The following ZNF804B variants were observed in gnomAD, a reference collection of about 807,000 sequenced individuals.
ZNF804B encodes the protein zinc finger 804B.
A neutral mutation model predicts 101.4 loss-of-function variants in ZNF804B; 80 were observed. That is an observed-to-expected ratio of 0.79 (90% CI 0.66 to 0.95). The LOEUF (loss-of-function observed/expected upper bound fraction) is 0.95, where lower values mean the gene tolerates loss of function less well. ZNF804B is among the 40% of genes least tolerant of loss of function. The pLI, the probability that ZNF804B is intolerant of heterozygous loss-of-function variation, is 0.00. For missense variants in ZNF804B, 1,673 were observed against 1,561.9 expected (o/e 1.07, Z -1.20); for synonymous variants, 622 against 558.8 (o/e 1.11, Z -1.59).
At chr7:89,066,705 C>A (rs888789398) in intron 1 of ZNF804B, among the ~76,000 whole-genome samples, 2 of 151,960 alleles carry the variant, frequency 1.3e-5, no homozygotes, top group Non-Finnish European at 2.9e-5. Context: ...TATTTTTAAG[C>A]TATGCCAGGC....
rs139683390 is a variant in ZNF804B, at chr7:89,060,038, C to T, written c.109-158117C>T. ...GACTTACACCAGTGGTAACCTGGGTCCTCAGGCTTTCAGAGCCCTCTGACT... is the reference window on the plus strand; with the variant it reads ...GACTTACACCAGTGGTAACCTGGGTTCTCAGGCTTTCAGAGCCCTCTGACT... On this transcript the variant is annotated intron_variant, in intron 1 of 3. Transcript: ENST00000333190. Among the ~76,000 whole-genome samples the T allele has an allele frequency of 2.6e-5, 4 of 152,214 alleles. No individual in the cohort carries two copies. The East Asian group carries it at 7.8e-4, about 30-fold the overall frequency.
intron 1 of ZNF804B, among the ~76,000 whole-genome samples, chr7:88,798,452 A>C (rs1238084991): frequency 6.6e-6 from 1 of 152,154 alleles, no homozygotes; most frequent in Non-Finnish European, 1.5e-5. Flanking sequence ...AAAAAAGGCA[A>C]GTAGAGACAA....
intron 1 of ZNF804B, among the ~76,000 whole-genome samples, chr7:89,106,134 T>C (rs1790132973): frequency 1.3e-5 from 2 of 152,202 alleles, no homozygotes; most frequent in Admixed American, 6.6e-5. Flanking sequence ...GTCAGTACTA[T>C]TCCCTGTTTT....
chr7:88,905,420 C>T (rs953792559), intron 1 of ZNF804B, among the ~76,000 whole-genome samples: 18 of 152,040 alleles, frequency 1.2e-4, no homozygotes, highest in East Asian at 3.9e-4. Flanking sequence ...TGCAGTAACA[C>T]GATCTCAGCT....
intron 2 of ZNF804B, among the ~76,000 whole-genome samples, chr7:89,312,787 C>G (rs897368355): frequency 7.3e-5 from 11 of 150,590 alleles, no homozygotes; most frequent in African/African-American, 2.7e-4. Flanking sequence ...TGAGGCCAGC[C>G]TGGGTAACAT....
At chr7:88,778,202 A>G (rs1312194271) in intron 1 of ZNF804B, among the ~76,000 whole-genome samples, 1 of 152,094 alleles carries the variant, frequency 6.6e-6, no homozygotes, top group Non-Finnish European at 1.5e-5. Context: ...AGTTCCCTAC[A>G]TTCTTAGGCT....
At chr7:89,169,393 A>G (rs905958249) in intron 1 of ZNF804B, among the ~76,000 whole-genome samples, 1 of 152,072 alleles carries the variant, frequency 6.6e-6, no homozygotes, top group Non-Finnish European at 1.5e-5. Context: ...TGATTTGACT[A>G]TTTCTTTACC....
intron 1 of ZNF804B, among the ~76,000 whole-genome samples, chr7:89,131,956 T>C (rs1790554571): frequency 6.6e-6 from 1 of 151,966 alleles, no homozygotes; most frequent in African/African-American, 2.4e-5. Context: ...CAAATTCAAA[T>C]GCAGATAGCA....
At chr7:88,766,678 T>C (rs1789988426) in intron 1 of ZNF804B, among the ~76,000 whole-genome samples, 2 of 152,210 alleles carry the variant, frequency 1.3e-5, no homozygotes, top group African/African-American at 2.4e-5. Flanking sequence ...CCAATGACTC[T>C]CGTTATTTTT....
At chr7:89,215,883 CTAAATAAATAAA>C (rs71102024) in intron 1 of ZNF804B, among the ~76,000 whole-genome samples, 70 of 143,160 alleles carry the variant, frequency 4.9e-4, no homozygotes, top group East Asian at 2.3e-3. Flanking sequence ...GACTCCGTCT[CTAAATAAATAAA>C]TAAATAAATA....
intron 1 of ZNF804B, among the ~76,000 whole-genome samples, chr7:89,079,025 ACT>A (rs371318886): frequency 3.9e-4 from 59 of 151,932 alleles, no homozygotes; most frequent in African/African-American, 1.4e-3. Context: ...AAAATCCATA[ACT>A]CTTTCAGCTT....
At chr7:89,046,697 T>C (rs1487562820) in intron 1 of ZNF804B, among the ~76,000 whole-genome samples, 3 of 152,160 alleles carry the variant, frequency 2.0e-5, no homozygotes, top group Non-Finnish European at 4.4e-5. Flanking sequence ...TTTTCCTTTT[T>C]TTTCCAATTC....
intron 1 of ZNF804B, among the ~76,000 whole-genome samples, chr7:88,913,374 A>G (rs774192332): frequency 6.6e-6 from 1 of 152,118 alleles, no homozygotes; most frequent in South Asian, 2.1e-4. Context: ...AGTATCTTTT[A>G]TATTCTCAAG....
In ZNF804B at chr7:89,335,460, C is replaced by T. The variant is rs772009857; in HGVS notation, c.2478C>T (p.Ile826=). ...CAGGGCTAAAATCTACGAGAATCAT[C>T]TATTGTGATTCTAACTCACAGATTT... ...QFSGLKSTRI[I]YCDSNSQISC... Residue 826 remains isoleucine, a synonymous_variant, in exon 4 of 4, where the codon ATC becomes ATT. Transcript: ENST00000333190. 1.2e-6 allele frequency: 2 copies of T among 1,613,982 alleles called. No individual in the cohort carries two copies. Among genetic ancestry groups the T allele is most frequent in the Non-Finnish European group, 1.7e-6 (2 of 1,179,952 alleles).
At chr7:89,030,521 CT>C (rs1361181389) in intron 1 of ZNF804B, among the ~76,000 whole-genome samples, 2 of 152,130 alleles carry the variant, frequency 1.3e-5, no homozygotes, top group African/African-American at 2.4e-5. Context: ...AGCCTCATGA[CT>C]TTCCATTCTG....
chr7:88,876,628 A>G (rs1367085959), intron 1 of ZNF804B, among the ~76,000 whole-genome samples: 2 of 152,054 alleles, frequency 1.3e-5, no homozygotes, highest in Admixed American at 6.6e-5. Context: ...CTCTTGTTGC[A>G]TTTAGAATAA....
At chr7:89,015,591 G>GT (rs1294701984) in intron 1 of ZNF804B, among the ~76,000 whole-genome samples, 1 of 151,748 alleles carries the variant, frequency 6.6e-6, no homozygotes, top group Non-Finnish European at 1.5e-5. Flanking sequence ...GCAGTGTTTG[G>GT]TTTTTTGTCC....
chr7:89,227,556 T>C (rs1407280573), intron 2 of ZNF804B, among the ~76,000 whole-genome samples: 1 of 152,170 alleles, frequency 6.6e-6, no homozygotes, highest in Non-Finnish European at 1.5e-5. Flanking sequence ...CTACATGCTA[T>C]GGAGAAAAAT....
chr7:88,852,939 C>T (rs956982087), intron 1 of ZNF804B, among the ~76,000 whole-genome samples: 2 of 152,006 alleles, frequency 1.3e-5, no homozygotes, highest in Admixed American at 1.3e-4. Context: ...TTTTTGAGGA[C>T]CCATGGCTAA....
Sources: gnomAD v4.1 joint callset for allele counts (sites outside exome capture counted in the v4.1 genomes callset) on GRCh38, gnomAD v4.1.1 for gene constraint, MANE v1.5 for transcripts, NCBI Gene and HGNC (gene_info 2026-07-23, HGNC 2026-07-21) for gene names.